TRPM1: variants seen among roughly 807,000 people sequenced by gnomAD.
TRPM1 encodes transient receptor potential cation channel subfamily M member 1.
A neutral mutation model predicts 149.4 loss-of-function variants in TRPM1; 113 were observed. That is an observed-to-expected ratio of 0.76 (90% CI 0.65 to 0.88). The LOEUF is 0.88. Among genes scored for constraint, TRPM1 ranks in the 40% least tolerant of loss-of-function variants. TRPM1 has a pLI of 0.00. For synonymous variants in TRPM1, 741 were observed against 759.5 expected (o/e 0.98, Z 0.40); for missense variants, 1,976 against 2,038.7 (o/e 0.97, Z 0.59).
chr15:31,140,426 T>A (rs8035325), intron 1 of TRPM1, among the ~76,000 whole-genome samples: 1 of 151,618 alleles, frequency 6.6e-6, no homozygotes, highest in Non-Finnish European at 1.5e-5. Context: ...TGATTATCAG[T>A]GTTGGAAGTG....
intron 1 of TRPM1, among the ~76,000 whole-genome samples, chr15:31,127,968 G>A (rs2035972494): frequency 6.6e-6 from 1 of 152,168 alleles, no homozygotes; most frequent in African/African-American, 2.4e-5. Context: ...TCTTTCCCTC[G>A]ACTCAGAGAG....
intron 1 of TRPM1, among the ~76,000 whole-genome samples, chr15:31,098,711 C>T (rs1313303857): frequency 1.3e-5 from 2 of 152,134 alleles, no homozygotes; most frequent in African/African-American, 2.4e-5. Context: ...CTGCCATGAG[C>T]GTTACCCCTA....
chr15:31,136,003 TG>T (rs1165196666), intron 1 of TRPM1, among the ~76,000 whole-genome samples: 1 of 152,176 alleles, frequency 6.6e-6, no homozygotes, highest in Non-Finnish European at 1.5e-5. Context: ...AGTTGCATAG[TG>T]ATGAGAATTG....
chr15:31,117,386 T>C (rs1486912402), intron 1 of TRPM1, among the ~76,000 whole-genome samples: 1 of 152,080 alleles, frequency 6.6e-6, no homozygotes. Context: ...CTCAGGATGC[T>C]GAGGCAGGAG....
At chr15:31,046,334 A>G in intron 15 of TRPM1, 101 bp from the exon 16 acceptor site, 1 of 1,102,864 alleles carries the variant, frequency 9.1e-7, no homozygotes, top group Non-Finnish European at 1.4e-6. Flanking sequence ...GAATGGATTA[A>G]AAAGCACTTT....
chr15:31,028,805 C>T (rs903528876), intron 24 of TRPM1, among the ~76,000 whole-genome samples: 2 of 151,958 alleles, frequency 1.3e-5, no homozygotes, highest in African/African-American at 2.4e-5. Flanking sequence ...CTCATATCTG[C>T]GCTCAGAGAT....
chr15:31,026,467 C>T (rs1466803298), intron 26 of TRPM1, 196 bp from the exon 27 acceptor site: 6 of 697,764 alleles, frequency 8.6e-6, no homozygotes, highest in South Asian at 3.6e-5. Flanking sequence ...TGGAGCCAAA[C>T]GGCCCGCTTT....
In TRPM1 at chr15:31,107,863, C is replaced by CTTT. The variant is rs1274420865; in HGVS notation, c.55-30882_55-30880dup. Among the ~76,000 whole-genome samples the CTTT allele has an allele frequency of 2.7e-3, 384 of 143,726 alleles. 3 individuals carry two copies. Among genetic ancestry groups the CTTT allele is most frequent in the African/African-American group, 9.3e-3 (368 of 39,450 alleles). The allele number at this position is 143,726 out of a possible 152,430, so 94.3% of individuals were successfully genotyped here. ...TGAATTTGTAAATTTCTTTTCTTTT[C>CTTT]TTTTTTTTTTTTGAGACTGAGTCTT... On this transcript the variant is annotated intron_variant, in intron 1 of 26. Coordinates refer to the TRPM1 transcript ENST00000542188.
rs13379695 is a variant in TRPM1 at position 31,131,448 on chromosome 15, A to T, written c.54+29458T>A. Among the ~76,000 whole-genome samples, 381 of 152,344 alleles carry T rather than the reference A, an allele frequency of 2.5e-3. 1 individual carries two copies. The highest frequency in any genetic ancestry group is 8.7e-3 in the African/African-American group (360 of 41,576). On this transcript the variant is annotated intron_variant, in intron 1 of 26. Transcript: ENST00000542188. ...TGTGAAATTATGAAGAAGGAAAAAA[A>T]AATGTGTGCAAGTTTTGCTGTCGCA...
chr15:31,010,447 A>G (rs759356594), intron 27 of TRPM1, among the ~76,000 whole-genome samples: 66 of 152,274 alleles, frequency 4.3e-4, no homozygotes, highest in Middle Eastern at 6.8e-3. Flanking sequence ...CTTTTACTGT[A>G]TCCCATAAAT....
At chr15:31,088,530 T>C (rs2035076647) in intron 1 of TRPM1, among the ~76,000 whole-genome samples, 1 of 152,186 alleles carries the variant, frequency 6.6e-6, no homozygotes, top group Non-Finnish European at 1.5e-5. Flanking sequence ...GCGCCACCTT[T>C]AAGAGCTGTA....
chr15:31,060,643 T>G lies in TRPM1; in HGVS notation c.1164A>C (p.Gly388=). Reference sequence around the variant, plus strand: ...GCTGATCTGGAGCAGATACGTTTGTTCCTGGAAAGGCAAGAAACCGGAATG... The same window carrying G: ...GCTGATCTGGAGCAGATACGTTTGTGCCTGGAAAGGCAAGAAACCGGAATG... ...EMAILTALLK[G]TNVSAPDQLS... The change falls in exon 11 of 28, where the codon GGA becomes GGC. Residue 388 remains glycine (G), a splice_region_variant and synonymous_variant. Coordinates refer to ENST00000256552, the MANE Select transcript of TRPM1 (RefSeq NM_001252024.2). 6.2e-7 allele frequency: 1 copy of G among 1,614,030 alleles called. No homozygotes were observed. The highest frequency in any genetic ancestry group is 8.5e-7 in the Non-Finnish European group (1 of 1,179,926).
intron 1 of TRPM1, among the ~76,000 whole-genome samples, chr15:31,123,600 A>T (rs1454633989): frequency 6.6e-6 from 1 of 152,246 alleles, no homozygotes. Context: ...TTTATCAGGA[A>T]TAGTGGGAAT....
intron 21 of TRPM1, among the ~76,000 whole-genome samples, chr15:31,035,167 C>G (rs1254298672): frequency 1.3e-5 from 2 of 152,180 alleles, no homozygotes; most frequent in African/African-American, 4.8e-5. Flanking sequence ...ACACGACCGG[C>G]TAATTTTTGT....
intron 11 of TRPM1, among the ~76,000 whole-genome samples, chr15:31,057,224 A>G (rs1025169758): frequency 6.6e-6 from 1 of 152,224 alleles, no homozygotes; most frequent in African/African-American, 2.4e-5. Context: ...AAAGAACAAG[A>G]TTATGTCCTT....
Position 31,038,015 on chromosome 15 carries a change from ATAT to A in TRPM1, c.2439+26_2439+28del. On this transcript the variant is annotated intron_variant, in intron 19 of 27. Transcript: ENST00000256552. ...CAATTTTGAAAACAAGATTACACTG[ATAT>A]GCTTAGGGTCAAGTGTGTCACTGAC... 3 of 1,614,000 alleles carry A rather than the reference ATAT, an allele frequency of 1.9e-6. No individual in the cohort carries two copies. The South Asian group carries it at 3.3e-5, about 18-fold the overall frequency.
At chr15:31,057,767 C>A (rs1187626824) in intron 11 of TRPM1, among the ~76,000 whole-genome samples, 1 of 152,142 alleles carries the variant, frequency 6.6e-6, no homozygotes, top group African/African-American at 2.4e-5. Context: ...CAGTTGTAAT[C>A]CCCAGGTGTC....
intron 27 of TRPM1, among the ~76,000 whole-genome samples, chr15:31,023,217 G>C (rs1227631223): frequency 6.6e-6 from 1 of 152,216 alleles, no homozygotes; most frequent in Admixed American, 6.5e-5. Flanking sequence ...AGAGATCCAA[G>C]GAAGAGGAGC....
intron 1 of TRPM1, among the ~76,000 whole-genome samples, chr15:31,139,240 G>A (rs1172841584): frequency 1.3e-5 from 2 of 152,152 alleles, no homozygotes; most frequent in Admixed American, 6.5e-5. Context: ...AATTAGAGAT[G>A]TAGGTTCTGT....
Sources: gnomAD v4.1 joint callset for allele counts (sites outside exome capture counted in the v4.1 genomes callset) on GRCh38, gnomAD v4.1.1 for gene constraint, MANE v1.5 for transcripts, NCBI Gene and HGNC (gene_info 2026-07-23, HGNC 2026-07-21) for gene names.